The following MILR1 variants were observed in gnomAD, a reference collection of about 807,000 sequenced individuals.
MILR1 encodes the protein mast cell immunoglobulin like receptor 1, also known as allergin-1.
In MILR1, 31 loss-of-function variants were observed where a neutral mutation model predicts 18.5. The ratio of observed to expected loss-of-function variants is 1.68; its 90% confidence interval spans 1.26 to 2.26. The LOEUF is 2.26. Among genes scored for constraint, MILR1 ranks in the 30% most tolerant of loss-of-function variants. The pLI is 0.00. For missense variants in MILR1, 257 were observed against 157.4 expected, an observed-to-expected ratio of 1.63 and a Z score of -3.38; for synonymous variants, 85 against 56.2, an observed-to-expected ratio of 1.51 and a Z score of -2.30.
chr17:64,491,766 G>A, the MILR1 span: 174 of 659,724 alleles, frequency 2.6e-4, 1 homozygote, highest in South Asian at 5.1e-4. Flanking sequence ...GCTCAAGCAC[G>A]AGCGGCTATG....
At chr17:64,491,708 G>A in the MILR1 span, 14 of 976,358 alleles carry the variant, frequency 1.4e-5, no homozygotes, top group Admixed American at 1.1e-4. Flanking sequence ...GGTTTACCAT[G>A]GTGCTGGCAG....
At chr17:64,477,194 T>C in the MILR1 span, among the ~76,000 whole-genome samples, 1 of 152,232 alleles carries the variant, frequency 6.6e-6, no homozygotes, top group Non-Finnish European at 1.5e-5. Flanking sequence ...AGCCCATTTC[T>C]GAGAGAGTAA....
intron 2 of MILR1, among the ~76,000 whole-genome samples, chr17:64,452,095 T>TTG (rs1555660865): frequency 3.1e-3 from 461 of 149,168 alleles, no homozygotes; most frequent in Non-Finnish European, 4.6e-3. Flanking sequence ...TTTTTTTTTT[T>TTG]TTGTTCTGTT....
chr17:64,496,645 C>G, the MILR1 span: 1 of 1,614,044 alleles, frequency 6.2e-7, no homozygotes, highest in Non-Finnish European at 8.5e-7. Context: ...CGGCCAGGTT[C>G]TTCCGCAACT....
chr17:64,496,923 A>C, the MILR1 span: 1 of 1,611,750 alleles, frequency 6.2e-7, no homozygotes, highest in Non-Finnish European at 8.5e-7. Context: ...GACAACAGGC[A>C]CCTGCAGACC....
At chr17:64,455,288 T>A (rs2037265932) in intron 3 of MILR1, among the ~76,000 whole-genome samples, 1 of 152,126 alleles carries the variant, frequency 6.6e-6, no homozygotes, top group African/African-American at 2.4e-5. Context: ...AACTGTATCA[T>A]CTTCAGTTAG....
At position 64,449,374 on chromosome 17, in the gene MILR1, T is replaced by A. The variant is rs2037114039; in HGVS notation, c.97+19T>A. On this transcript the variant is annotated intron_variant, in intron 2 of 9. Transcript: ENST00000619286. ...ACAAATGGTAAGTTTCATTTACTTC[T>A]TTCTTATTGAAACCATTTTCACTGA... The A allele has an allele frequency of 4.4e-6, 2 of 459,710 alleles. No individual in the cohort carries two copies. Among genetic ancestry groups the A allele is most frequent in the Non-Finnish European group, 8.0e-6 (2 of 250,546 alleles). The allele number at this position is 459,710 out of a possible 1,614,324, so 28.5% of individuals were successfully genotyped here.
intron 9 of MILR1, 78 bp downstream of exon 9, chr17:64,467,723 C>T (rs1555663740): frequency 8.3e-6 from 7 of 845,270 alleles, no homozygotes; most frequent in Non-Finnish European, 1.3e-5. Context: ...TACTTGAGGT[C>T]AGGAGTTCGA....
intron 5 of MILR1, among the ~76,000 whole-genome samples, chr17:64,464,007 A>G (rs907402393): frequency 3.3e-4 from 50 of 151,590 alleles, no homozygotes; most frequent in Non-Finnish European, 5.4e-4. Flanking sequence ...TATTTTTAGT[A>G]GAGATGGGGT....
chr17:64,491,540 A>C, the MILR1 span: 17 of 1,547,476 alleles, frequency 1.1e-5, no homozygotes, highest in South Asian at 1.7e-4. Context: ...CAGTTGTACC[A>C]GTGAAGGACA....
chr17:64,471,947 C>T (rs2037692061), downstream of MILR1, among the ~76,000 whole-genome samples: 1 of 152,078 alleles, frequency 6.6e-6, no homozygotes, highest in African/African-American at 2.4e-5. Flanking sequence ...TTGAGAATCA[C>T]ATTAAAAAAG....
downstream of MILR1, among the ~76,000 whole-genome samples, chr17:64,470,319 C>G (rs1236447848): frequency 6.6e-6 from 1 of 152,164 alleles, no homozygotes; most frequent in African/African-American, 2.4e-5. Context: ...GTCTCAAACT[C>G]CTGACCTCAA....
At chr17:64,480,312 G>A in the MILR1 span, 97,132 of 1,572,444 alleles carry the variant, frequency 0.062, 3,656 homozygotes, top group Admixed American at 0.15. Flanking sequence ...GTTCCAATGA[G>A]GACTGCATAG....
chr17:64,496,345 A>G, the MILR1 span: 1 of 1,107,752 alleles, frequency 9.0e-7, no homozygotes, highest in South Asian at 1.5e-5. Context: ...CCCAAGATCC[A>G]GCAAGACTGC....
At chr17:64,492,685 T>G in the MILR1 span, 1 of 1,607,642 alleles carries the variant, frequency 6.2e-7, no homozygotes, top group Non-Finnish European at 8.5e-7. Context: ...ACCACTGGAG[T>G]CGATGACGTA....
chr17:64,465,731 A>G (rs2037541293), intron 6 of MILR1, among the ~76,000 whole-genome samples, 190 bp downstream of exon 6: 1 of 152,198 alleles, frequency 6.6e-6, no homozygotes, highest in Non-Finnish European at 1.5e-5. Flanking sequence ...TTCTGTGTGT[A>G]TAATAAACAA....
chr17:64,481,283 C>T, the MILR1 span: 1 of 985,370 alleles, frequency 1.0e-6, no homozygotes, highest in Non-Finnish European at 1.2e-6. Context: ...ATTATCTTCT[C>T]CTTCTTTGAG....
At chr17:64,491,024 C>A in the MILR1 span, 2 of 1,265,356 alleles carry the variant, frequency 1.6e-6, no homozygotes, top group Non-Finnish European at 2.3e-6. Flanking sequence ...ACTAATTTAA[C>A]TCCCATAATT....
downstream of MILR1, among the ~76,000 whole-genome samples, chr17:64,469,729 G>T (rs782004414): frequency 6.6e-6 from 1 of 151,946 alleles, no homozygotes; most frequent in Non-Finnish European, 1.5e-5. Flanking sequence ...TTATATCCAC[G>T]CTCACCACCT....
Sources: allele counts gnomAD v4.1 joint callset (sites outside exome capture counted in the v4.1 genomes callset), GRCh38; gene constraint gnomAD v4.1.1; transcripts MANE v1.5; gene names NCBI Gene and HGNC (gene_info 2026-07-23, HGNC 2026-07-21).